The following DGKB variants were observed in gnomAD, a reference collection of about 807,000 sequenced individuals.
DGKB encodes the protein 90 kDa diacylglycerol kinase.
In DGKB, 67 loss-of-function variants were observed where a neutral mutation model predicts 114.3. The observed-to-expected ratio is 0.59, with a 90% confidence interval of 0.48 to 0.72. The LOEUF (loss-of-function observed/expected upper bound fraction) is 0.72. DGKB is among the 30% of genes least tolerant of loss of function. The probability of loss-of-function intolerance (pLI) is 0.00; values close to 1 mark genes in which losing one functional copy is unlikely to be tolerated. For synonymous variants in DGKB, 398 were observed against 323.1 expected (o/e 1.23, Z -2.49); for missense variants, 907 against 975.2 (o/e 0.93, Z 0.93).
At chr7:14,748,827 G>T (rs1358487623) in intron 4 of DGKB, among the ~76,000 whole-genome samples, 1 of 152,074 alleles carries the variant, frequency 6.6e-6, no homozygotes, top group Non-Finnish European at 1.5e-5. Flanking sequence ...ATTAATAAGT[G>T]ACTCCTAAAA....
chr7:14,820,576 T>C (rs2128101277), intron 2 of DGKB, among the ~76,000 whole-genome samples: 1 of 152,318 alleles, frequency 6.6e-6, no homozygotes, highest in African/African-American at 2.4e-5. Context: ...AAGTTTTACA[T>C]TAGCTAGGCT....
In DGKB at chr7:14,750,776, A is replaced by G. The variant is rs1446713043; in HGVS notation, c.168+3152T>C. On this transcript the variant is annotated intron_variant, in intron 4 of 25. Transcript: ENST00000402815. ...TACCCTGCAGTGTTCTTTCCCTTGA[A>G]AAAGCTATTTCTATTTCTTTTTTTT... 3.3e-5 allele frequency among the ~76,000 whole-genome samples: 5 copies of G among 150,854 alleles called. No individual in the cohort carries two copies. The East Asian group carries it at 9.7e-4, about 29-fold the overall frequency.
intron 6 of DGKB, among the ~76,000 whole-genome samples, chr7:14,704,379 C>A (rs1483525752): frequency 7.0e-6 from 1 of 143,204 alleles, no homozygotes; most frequent in Non-Finnish European, 1.5e-5. Context: ...ACCAGGGAGG[C>A]GGAGCTTGCA....
intron 20 of DGKB, among the ~76,000 whole-genome samples, chr7:14,549,915 G>A (rs906094973): frequency 6.6e-6 from 1 of 152,062 alleles, no homozygotes; most frequent in Non-Finnish European, 1.5e-5. Flanking sequence ...TTGAACCCTG[G>A]GAGGTGGAGG....
chr7:14,471,166 A>ATG (rs1244330359), intron 21 of DGKB, among the ~76,000 whole-genome samples: 1 of 130,784 alleles, frequency 7.6e-6, no homozygotes, highest in Non-Finnish European at 1.7e-5. Flanking sequence ...TTTTCCATAT[A>ATG]TATGGAATAT....
intron 1 of DGKB, among the ~76,000 whole-genome samples, chr7:14,892,951 T>C (rs536793456): frequency 7.3e-6 from 1 of 136,806 alleles, no homozygotes; most frequent in African/African-American, 2.5e-5. Context: ...TACACACACA[T>C]ATGTGTGTGT....
At chr7:14,494,717 G>A (rs1785061248) in intron 20 of DGKB, among the ~76,000 whole-genome samples, 1 of 151,850 alleles carries the variant, frequency 6.6e-6, no homozygotes, top group African/African-American at 2.4e-5. Context: ...AAGCGCCTAT[G>A]ACTTTTTAAA....
intron 21 of DGKB, among the ~76,000 whole-genome samples, chr7:14,404,749 T>C (rs1823665482): frequency 6.6e-6 from 1 of 151,840 alleles, no homozygotes; most frequent in Non-Finnish European, 1.5e-5. Flanking sequence ...TCTGCTTGTC[T>C]TACTGGGCCT....
At chr7:14,436,946 C>G (rs868105661) in intron 21 of DGKB, among the ~76,000 whole-genome samples, 2 of 152,030 alleles carry the variant, frequency 1.3e-5, no homozygotes, top group Non-Finnish European at 2.9e-5. Flanking sequence ...AAAATGCTTT[C>G]CTAGTATCCA....
At chr7:14,174,231 C>A (rs1245316261) in intron 25 of DGKB, among the ~76,000 whole-genome samples, 1 of 152,134 alleles carries the variant, frequency 6.6e-6, no homozygotes. Context: ...TGGAGTCAGA[C>A]TACCTGGGTT....
intron 13 of DGKB, among the ~76,000 whole-genome samples, chr7:14,636,936 T>C (rs1212003725): frequency 6.6e-6 from 1 of 151,898 alleles, no homozygotes; most frequent in Non-Finnish European, 1.5e-5. Context: ...CAGCTAAGAA[T>C]AGCTTCTTTT....
In DGKB at chr7:14,613,452, C is replaced by A. The variant is rs553292416; in HGVS notation, c.1285-39G>T. 36 of 1,075,648 alleles carry A rather than the reference C, an allele frequency of 3.3e-5. No individual in the cohort carries two copies. In the South Asian group the frequency reaches 4.4e-4, roughly 13 times the overall value. The allele number at this position is 1,075,648 out of a possible 1,614,324, so 66.6% of individuals were successfully genotyped here. A position where few individuals can be genotyped will look rare whatever the true frequency, so the allele number is the denominator to read the frequency against. On this transcript the variant is annotated intron_variant, in intron 15 of 25. Coordinates refer to ENST00000402815, the MANE Select transcript of DGKB (RefSeq NM_001350709.2). The stretch of plus-strand genomic sequence containing the variant: ...TATATACATGGAAAAATTATTAGGC[C>A]CATTATATATGAAGAAGACTCCTTG...
At chr7:14,668,875 A>G (rs1467336864) in intron 13 of DGKB, among the ~76,000 whole-genome samples, 2 of 152,170 alleles carry the variant, frequency 1.3e-5, no homozygotes, top group East Asian at 1.9e-4. Context: ...ACACGGTCAC[A>G]TGAAGACTGG....
intron 23 of DGKB, among the ~76,000 whole-genome samples, chr7:14,215,172 T>A (rs773611918): frequency 3.4e-4 from 51 of 152,098 alleles, no homozygotes; most frequent in Non-Finnish European, 5.6e-4. Flanking sequence ...CTGAGAGATG[T>A]AGTGAGATTT....
chr7:14,501,858 C>T (rs890286584), intron 20 of DGKB, among the ~76,000 whole-genome samples: 14 of 151,852 alleles, frequency 9.2e-5, no homozygotes, highest in African/African-American at 3.4e-4. Flanking sequence ...AGGAAGTACA[C>T]TCAGGAACCC....
upstream of DGKB, chr7:14,903,167 A>T (rs1783383809): frequency 6.6e-6 from 1 of 151,790 alleles, no homozygotes; most frequent in African/African-American, 2.4e-5. Flanking sequence ...AGTCTCTCTT[A>T]GTCCTTGATT....
chr7:14,622,377 C>T (rs966804633), intron 14 of DGKB, among the ~76,000 whole-genome samples: 1 of 152,032 alleles, frequency 6.6e-6, no homozygotes, highest in African/African-American at 2.4e-5. Flanking sequence ...TCTATCTACC[C>T]TCACTCCCTA....
At position 14,386,116 on chromosome 7, in the gene DGKB, T is replaced by A. The variant is rs370482096; in HGVS notation, c.1836-40725A>T. 8.5e-5 allele frequency among the ~76,000 whole-genome samples: 13 copies of A among 152,340 alleles called. No individual in the cohort carries two copies. In the East Asian group the frequency reaches 2.3e-3, roughly 27 times the overall value. ...GAAACTTTAATATATTTTGAAAAGA[T>A]AATTTCACATGCCATGTGGGAAATG... On this transcript the variant is annotated intron_variant, in intron 21 of 25. Coordinates refer to ENST00000402815, the MANE Select transcript of DGKB (RefSeq NM_001350709.2).
At chr7:14,379,407 T>G (rs4141591) in intron 21 of DGKB, among the ~76,000 whole-genome samples, 76,010 of 149,480 alleles carry the variant, frequency 0.51, 20,391 homozygotes, top group East Asian at 0.61. Flanking sequence ...GAGTTTTTTT[T>G]TTTTTTTTTT....
Sources: gnomAD v4.1 joint callset for allele counts (sites outside exome capture counted in the v4.1 genomes callset) on GRCh38, gnomAD v4.1.1 for gene constraint, MANE v1.5 for transcripts, NCBI Gene and HGNC (gene_info 2026-07-23, HGNC 2026-07-21) for gene names.